CTNNA2: variants seen among roughly 807,000 people sequenced by gnomAD.
The protein encoded by CTNNA2 is catenin alpha 2.
Under a neutral mutation model 101.0 loss-of-function variants are expected in CTNNA2, and 42 were observed. The ratio of observed to expected loss-of-function variants is 0.42; its 90% confidence interval spans 0.32 to 0.54. The LOEUF (loss-of-function observed/expected upper bound fraction) is 0.54, where lower values mean the gene tolerates loss of function less well. Among genes scored for constraint, CTNNA2 ranks in the 20% least tolerant of loss-of-function variants. The probability of loss-of-function intolerance (pLI) is 0.14; values close to 1 mark genes in which losing one functional copy is unlikely to be tolerated. For missense variants in CTNNA2, 871 were observed against 1,223.1 expected, an observed-to-expected ratio of 0.71 and a Z score of 4.29; for synonymous variants, 450 against 456.4, an observed-to-expected ratio of 0.99 and a Z score of 0.18.
chr2:80,072,470 C>A (rs148867385), intron 7 of CTNNA2, among the ~76,000 whole-genome samples: 199 of 152,270 alleles, frequency 1.3e-3, no homozygotes, highest in African/African-American at 4.6e-3. Context: ...CTTTTATTTT[C>A]TATTTGTTTA....
chr2:80,514,923 G>A (rs1437569427), intron 9 of CTNNA2, among the ~76,000 whole-genome samples: 2 of 152,120 alleles, frequency 1.3e-5, no homozygotes, highest in African/African-American at 4.8e-5. Context: ...TCTCACTTTG[G>A]GCCGCAGGTT....
At chr2:80,475,310 T>A (rs1685643683) in intron 9 of CTNNA2, among the ~76,000 whole-genome samples, 1 of 152,188 alleles carries the variant, frequency 6.6e-6, no homozygotes, top group Non-Finnish European at 1.5e-5. Flanking sequence ...TTTTTTCCCC[T>A]TTATTTTTGA....
chr2:79,804,178 T>C (rs946510641), intron 3 of CTNNA2, among the ~76,000 whole-genome samples: 3 of 152,236 alleles, frequency 2.0e-5, no homozygotes, highest in Non-Finnish European at 4.4e-5. Flanking sequence ...TTTTCAATAA[T>C]TTTAGCACAT....
chr2:80,176,965 T>C (rs1376843754), intron 7 of CTNNA2, among the ~76,000 whole-genome samples: 2 of 152,166 alleles, frequency 1.3e-5, no homozygotes, highest in African/African-American at 4.8e-5. Context: ...GAATCCTGGC[T>C]ATGGGAGAAA....
At chr2:80,100,346 T>A (rs142070614) in intron 7 of CTNNA2, among the ~76,000 whole-genome samples, 2 of 152,316 alleles carry the variant, frequency 1.3e-5, no homozygotes, top group East Asian at 3.9e-4. Flanking sequence ...CTGCTTTCGT[T>A]CCTGGTTCAA....
intron 1 of CTNNA2, among the ~76,000 whole-genome samples, chr2:79,530,590 G>T (rs1672677907): frequency 6.6e-6 from 1 of 151,996 alleles, no homozygotes; most frequent in Non-Finnish European, 1.5e-5. Flanking sequence ...AAATGTTGTT[G>T]CATAGATCAG....
At chr2:79,304,897 A>C (rs1676197542) in intron 2 of CTNNA2, among the ~76,000 whole-genome samples, 1 of 152,194 alleles carries the variant, frequency 6.6e-6, no homozygotes, top group Admixed American at 6.5e-5. Flanking sequence ...GGTTTTATTG[A>C]ATACCAACTG....
At chr2:80,050,959 G>A (rs1696839650) in intron 7 of CTNNA2, among the ~76,000 whole-genome samples, 1 of 152,146 alleles carries the variant, frequency 6.6e-6, no homozygotes, top group South Asian at 2.1e-4. Flanking sequence ...TTGGGCTCAA[G>A]CGATTCTCCT....
At chr2:79,893,165 C>T (rs2104222067) in intron 6 of CTNNA2, among the ~76,000 whole-genome samples, 1 of 152,144 alleles carries the variant, frequency 6.6e-6, no homozygotes, top group African/African-American at 2.4e-5. Context: ...TGTTGTGTCT[C>T]ATTATGAAAA....
chr2:79,656,567 C>CA (rs960932083), intron 2 of CTNNA2, among the ~76,000 whole-genome samples: 5 of 152,004 alleles, frequency 3.3e-5, no homozygotes, highest in African/African-American at 9.7e-5. Context: ...AAATATCCCA[C>CA]AAAACCTTAC....
chr2:80,122,158 ATC>A (rs3067113), intron 7 of CTNNA2, among the ~76,000 whole-genome samples: 32,722 of 150,472 alleles, frequency 0.22, 4,208 homozygotes, highest in East Asian at 0.51. Flanking sequence ...GGAGCTTGGA[ATC>A]TCTCTCTTTC....
chr2:79,444,858 G>C (rs1678815682), intron 4 of CTNNA2, among the ~76,000 whole-genome samples: 1 of 152,044 alleles, frequency 6.6e-6, no homozygotes, highest in Non-Finnish European at 1.5e-5. Context: ...GCTTACCCCT[G>C]TGTCAGAATG....
chr2:79,890,140 T>C (rs893131386), intron 6 of CTNNA2, among the ~76,000 whole-genome samples: 4 of 152,190 alleles, frequency 2.6e-5, no homozygotes, highest in African/African-American at 9.6e-5. Flanking sequence ...TGAGATTTCT[T>C]CTGCTTTGTT....
chr2:79,920,776 A>G (rs1427857640), intron 7 of CTNNA2, among the ~76,000 whole-genome samples: 1 of 152,204 alleles, frequency 6.6e-6, no homozygotes, highest in African/African-American at 2.4e-5. Context: ...AATTCTTTCA[A>G]GAAATGGATA....
chr2:80,437,272 A>G (rs919240197), intron 9 of CTNNA2, among the ~76,000 whole-genome samples: 17 of 152,288 alleles, frequency 1.1e-4, no homozygotes, highest in African/African-American at 3.8e-4. Flanking sequence ...GGAGATTCGC[A>G]ACGTACTTAG....
Position 80,546,055 on chromosome 2 carries a change from C to G in CTNNA2, c.1532C>G (p.Ser511Cys), listed in dbSNP as rs762603105. The G allele has an allele frequency of 3.1e-6, 5 of 1,613,798 alleles. No homozygotes were observed. The highest frequency in any genetic ancestry group is 1.7e-5 in the Admixed American group (1 of 59,994). The change falls in exon 11 of 19, where the codon TCT becomes TGT. Residue 511 changes from serine (S) to cysteine (C), a missense_variant. Physicochemically the swap from Ser to Cys is moderately radical, Grantham distance 112 (BLOSUM62 -1). Coordinates refer to ENST00000402739, the MANE Select transcript of CTNNA2 (RefSeq NM_001282597.3). ...ATCACCTCAGTGGATGACTTCCTCTCTGTCTCAGGTAATCATCACAAACAG... is the reference window on the plus strand; with the variant it reads ...ATCACCTCAGTGGATGACTTCCTCTGTGTCTCAGGTAATCATCACAAACAG... ...DDITSVDDFL[S>C]VSENHILEDV...
chr2:79,652,365 T>C (rs929131931), intron 2 of CTNNA2, among the ~76,000 whole-genome samples: 46 of 152,090 alleles, frequency 3.0e-4, no homozygotes, highest in African/African-American at 1.1e-3. Flanking sequence ...TCAAATATCC[T>C]AGTCAAGGTA....
intron 7 of CTNNA2, chr2:80,304,070 C>T: frequency 2.4e-6 from 1 of 416,382 alleles, no homozygotes; most frequent in South Asian, 1.1e-4. Context: ...GTGATTTGGT[C>T]CATGTTAGAT....
At chr2:80,282,888 G>T (rs542922795) in intron 7 of CTNNA2, among the ~76,000 whole-genome samples, 1 of 152,112 alleles carries the variant, frequency 6.6e-6, no homozygotes, top group Admixed American at 6.6e-5. Context: ...TCAGAAAGAA[G>T]TAATAGGTAA....
Sources: allele counts gnomAD v4.1 joint callset (sites outside exome capture counted in the v4.1 genomes callset), GRCh38; gene constraint gnomAD v4.1.1; transcripts MANE v1.5; gene names NCBI Gene and HGNC (gene_info 2026-07-23, HGNC 2026-07-21).